NTNG1: variants seen among roughly 807,000 people sequenced by gnomAD.
NTNG1 encodes netrin-G1.
A neutral mutation model predicts 54.0 loss-of-function variants in NTNG1; 16 were observed. The ratio of observed to expected loss-of-function variants is 0.30; its 90% CI spans 0.20 to 0.45. The LOEUF is 0.45. NTNG1 is among the 20% of genes least tolerant of loss of function. The pLI, the probability that NTNG1 is intolerant of heterozygous loss-of-function variation, is 1.00. For synonymous variants in NTNG1, 255 were observed against 263.1 expected, an observed-to-expected ratio of 0.97 and a Z score of 0.30; for missense variants, 530 against 678.7, an observed-to-expected ratio of 0.78 and a Z score of 2.43.
chr1:107,460,484 G>T, intron 7 of NTNG1: 1 of 506,078 alleles, frequency 2.0e-6, no homozygotes. Context: ...TTTAGGAAAT[G>T]AAATTATTTC....
At chr1:107,179,288 C>G (rs761351463) in intron 2 of NTNG1, among the ~76,000 whole-genome samples, 1 of 152,140 alleles carries the variant, frequency 6.6e-6, no homozygotes, top group Non-Finnish European at 1.5e-5. Context: ...AGACTTAAAC[C>G]TTTCTTGTGG....
intron 3 of NTNG1, among the ~76,000 whole-genome samples, chr1:107,393,196 G>A (rs756641255): frequency 1.3e-5 from 2 of 152,044 alleles, no homozygotes; most frequent in Non-Finnish European, 2.9e-5. Context: ...TGATCTTCAC[G>A]CAGGAAACCA....
At chr1:107,394,266 T>A (rs915913298) in intron 3 of NTNG1, among the ~76,000 whole-genome samples, 4 of 152,134 alleles carry the variant, frequency 2.6e-5, no homozygotes, top group African/African-American at 9.7e-5. Context: ...TCAACAAATA[T>A]CAAGTTAGCC....
At chr1:107,270,433 T>C (rs566515836) in intron 2 of NTNG1, among the ~76,000 whole-genome samples, 1 of 152,316 alleles carries the variant, frequency 6.6e-6, no homozygotes, top group East Asian at 1.9e-4. Context: ...ATCAGACAAA[T>C]TGCTCAACAT....
intron 2 of NTNG1, among the ~76,000 whole-genome samples, chr1:107,203,588 GTGTA>G: frequency 6.8e-6 from 1 of 146,136 alleles, no homozygotes; most frequent in African/African-American, 2.5e-5. Context: ...GTGTGTGTGT[GTGTA>G]TATATATACA....
At chr1:107,348,370 C>T (rs892028225) in intron 3 of NTNG1, among the ~76,000 whole-genome samples, 1 of 152,186 alleles carries the variant, frequency 6.6e-6, no homozygotes, top group Non-Finnish European at 1.5e-5. Context: ...AAGTGATATG[C>T]TCACCTCGGC....
chr1:107,159,344 G>T (rs1292450974), intron 2 of NTNG1, among the ~76,000 whole-genome samples: 1 of 152,152 alleles, frequency 6.6e-6, no homozygotes, highest in Non-Finnish European at 1.5e-5. Context: ...TGCTTTTATA[G>T]TGCCGAGCAT....
At chr1:107,287,005 CAT>C (rs1251888513) in intron 2 of NTNG1, among the ~76,000 whole-genome samples, 1 of 152,110 alleles carries the variant, frequency 6.6e-6, no homozygotes, top group Non-Finnish European at 1.5e-5. Flanking sequence ...CTTTGTAAAT[CAT>C]GTGCAAAATT....
intron 1 of NTNG1, among the ~76,000 whole-genome samples, chr1:107,144,562 A>G (rs1653970779): frequency 1.3e-5 from 2 of 152,002 alleles, no homozygotes. Context: ...TATTACTTCC[A>G]TGTAATATTT....
At chr1:107,154,917 T>A (rs991346488) in intron 2 of NTNG1, among the ~76,000 whole-genome samples, 13 of 152,076 alleles carry the variant, frequency 8.5e-5, no homozygotes, top group African/African-American at 2.9e-4. Context: ...TTTAACCGAA[T>A]GCAGAGATGC....
intron 7 of NTNG1, among the ~76,000 whole-genome samples, 174 bp from the exon 8 acceptor site, chr1:107,480,437 A>T (rs1678613512): frequency 6.6e-6 from 1 of 152,140 alleles, no homozygotes; most frequent in Non-Finnish European, 1.5e-5. Flanking sequence ...GCAGAAAACT[A>T]CATTTGTTTG....
intron 5 of NTNG1, among the ~76,000 whole-genome samples, chr1:107,426,089 G>T (rs888759698): frequency 6.6e-6 from 1 of 151,768 alleles, no homozygotes; most frequent in Non-Finnish European, 1.5e-5. Flanking sequence ...GTCTTTAGAG[G>T]CATAATTTCT....
chr1:107,144,356 T>A (rs1451919029), intron 1 of NTNG1, among the ~76,000 whole-genome samples: 4 of 152,056 alleles, frequency 2.6e-5, no homozygotes, highest in Non-Finnish European at 5.9e-5. Flanking sequence ...TAGTTGTGTA[T>A]TTCAGGTACC....
chr1:107,404,911 A>G (rs1673306576), intron 4 of NTNG1, among the ~76,000 whole-genome samples: 7 of 152,162 alleles, frequency 4.6e-5, no homozygotes, highest in Admixed American at 4.6e-4. Flanking sequence ...ATGTGCCTAG[A>G]CAGTTTTCCT....
chr1:107,362,331 A>T (rs978601775), intron 3 of NTNG1, among the ~76,000 whole-genome samples: 1 of 152,192 alleles, frequency 6.6e-6, no homozygotes, highest in Non-Finnish European at 1.5e-5. Flanking sequence ...TATGGAGAAG[A>T]GGCTTTTTAT....
intron 3 of NTNG1, among the ~76,000 whole-genome samples, chr1:107,386,499 T>C (rs944718893): frequency 4.6e-5 from 7 of 152,178 alleles, no homozygotes; most frequent in Admixed American, 1.3e-4. Context: ...CGTGGCCTTT[T>C]GTGTCTGACA....
At chr1:107,374,148 C>T (rs1393116280) in intron 3 of NTNG1, among the ~76,000 whole-genome samples, 1 of 152,064 alleles carries the variant, frequency 6.6e-6, no homozygotes, top group African/African-American at 2.4e-5. Flanking sequence ...GTAACATGTC[C>T]TTTATTCTTC....
intron 2 of NTNG1, among the ~76,000 whole-genome samples, chr1:107,185,873 TTTTTAAAACTTGTATACG>T (rs1657423898): frequency 6.6e-6 from 1 of 152,152 alleles, no homozygotes; most frequent in Non-Finnish European, 1.5e-5. Flanking sequence ...CTTCTATTTT[TTTTTAAAACTTGTATACG>T]TTTAAAGGGT....
chr1:107,197,084 CTATT>C (rs1268163935), intron 2 of NTNG1, among the ~76,000 whole-genome samples: 3 of 152,042 alleles, frequency 2.0e-5, no homozygotes, highest in Non-Finnish European at 2.9e-5. Flanking sequence ...TAGTGTAAAA[CTATT>C]TATTGTTTAT....
Sources: gnomAD v4.1 joint callset for allele counts (sites outside exome capture counted in the v4.1 genomes callset) on GRCh38, gnomAD v4.1.1 for gene constraint, MANE v1.5 for transcripts, NCBI Gene and HGNC (gene_info 2026-07-23, HGNC 2026-07-21) for gene names.